TIAM1: variants seen among roughly 807,000 people sequenced by gnomAD.
The protein encoded by TIAM1 is rho guanine nucleotide exchange factor TIAM1.
A neutral mutation model predicts 163.5 loss-of-function variants in TIAM1; 65 were observed. That is an observed-to-expected ratio of 0.40 (90% CI 0.33 to 0.49). The LOEUF (loss-of-function observed/expected upper bound fraction) is 0.49. Ranked by LOEUF, TIAM1 falls within the 20% of genes least tolerant of loss-of-function variation. The pLI is 0.77. For missense variants in TIAM1, 1,789 were observed against 2,044.7 expected (o/e 0.87, Z 2.41); for synonymous variants, 833 against 810.1 (o/e 1.03, Z -0.48).
At chr21:31,387,560 T>C (rs1218143342) in intron 2 of TIAM1, among the ~76,000 whole-genome samples, 2 of 151,956 alleles carry the variant, frequency 1.3e-5, no homozygotes, top group East Asian at 3.9e-4. Flanking sequence ...GCAGGGACAC[T>C]GTCTTCTGAC....
At chr21:31,477,061 TC>T in intron 1 of TIAM1, among the ~76,000 whole-genome samples, 1 of 152,006 alleles carries the variant, frequency 6.6e-6, no homozygotes, top group South Asian at 2.1e-4. Flanking sequence ...TCATGTCCTT[TC>T]TTAATGTAGA....
At chr21:31,166,710 G>A (rs1223368803) in intron 15 of TIAM1, among the ~76,000 whole-genome samples, 1 of 152,208 alleles carries the variant, frequency 6.6e-6, no homozygotes, top group African/African-American at 2.4e-5. Context: ...CAGTTAACTT[G>A]GCAGATATCA....
intron 4 of TIAM1, among the ~76,000 whole-genome samples, chr21:31,259,169 T>C (rs900391787): frequency 2.0e-5 from 3 of 151,614 alleles, no homozygotes; most frequent in African/African-American, 7.3e-5. Flanking sequence ...GGTCTCATTC[T>C]GTCATGCAGG....
intron 2 of TIAM1, among the ~76,000 whole-genome samples, chr21:31,356,349 CATT>C (rs2076316482): frequency 6.6e-6 from 1 of 152,176 alleles, no homozygotes; most frequent in Non-Finnish European, 1.5e-5. Flanking sequence ...CGTATGCCAT[CATT>C]GTCATGCATC....
At position 31,278,345 on chromosome 21, in the gene TIAM1, A is replaced by T. The variant is rs2073396395; in HGVS notation, c.-188-1437T>A. ...AAAATCAATGGACAAGAGCTCCAGG[A>T]ACACGTGGGGTTAATGGGGTTGTTT... On this transcript the variant is annotated intron_variant, in intron 2 of 27. Coordinates refer to ENST00000541036, the MANE Select transcript of TIAM1 (RefSeq NM_001353694.2). Among the ~76,000 whole-genome samples, 3 of 152,268 alleles carry T rather than the reference A, an allele frequency of 2.0e-5. No individual in the cohort carries two copies. In the South Asian group the frequency reaches 6.2e-4, roughly 31 times the overall value.
chr21:31,445,259 A>G (rs1354115427), intron 2 of TIAM1, among the ~76,000 whole-genome samples: 1 of 152,176 alleles, frequency 6.6e-6, no homozygotes, highest in African/African-American at 2.4e-5. Context: ...TCTATTAAAT[A>G]AAGAATCTAG....
intron 2 of TIAM1, among the ~76,000 whole-genome samples, chr21:31,284,923 C>G (rs1461701697): frequency 2.0e-5 from 3 of 152,100 alleles, no homozygotes; most frequent in African/African-American, 7.2e-5. Flanking sequence ...CCGCAAGGGA[C>G]TCTCAGACTC....
rs564305952 is a variant in TIAM1, at chr21:31,343,738, G to A, written c.-369+400C>T. ...GACCTGCAATTACCCAACGAGCAGC[G>A]GGACAGCCCCGGGCAGGACGCATCC... On this transcript the variant is annotated intron_variant, in intron 1 of 27. Coordinates refer to ENST00000541036, the MANE Select transcript of TIAM1 (RefSeq NM_001353694.2). 3.3e-5 allele frequency among the ~76,000 whole-genome samples: 5 copies of A among 152,260 alleles called. No individual in the cohort carries two copies. In the East Asian group the frequency reaches 9.7e-4, roughly 29 times the overall value.
At chr21:31,352,256 T>G (rs145143645) in intron 2 of TIAM1, among the ~76,000 whole-genome samples, 1 of 152,164 alleles carries the variant, frequency 6.6e-6, no homozygotes, top group Non-Finnish European at 1.5e-5. Flanking sequence ...CATTTAAATA[T>G]TGAAGTTCTG....
At chr21:31,431,979 C>T (rs953182916) in intron 2 of TIAM1, among the ~76,000 whole-genome samples, 8 of 151,954 alleles carry the variant, frequency 5.3e-5, no homozygotes, top group Admixed American at 2.6e-4. Context: ...AATGCCACAT[C>T]GCATGCTATG....
chr21:31,387,513 T>G (rs1330052655), intron 2 of TIAM1, among the ~76,000 whole-genome samples: 1 of 151,708 alleles, frequency 6.6e-6, no homozygotes, highest in Non-Finnish European at 1.5e-5. Flanking sequence ...GAGCCTGGCC[T>G]GTCTTTTTTC....
At chr21:31,289,811 G>A (rs968856378) in intron 2 of TIAM1, among the ~76,000 whole-genome samples, 9 of 152,108 alleles carry the variant, frequency 5.9e-5, no homozygotes, top group Admixed American at 2.6e-4. Context: ...GCAGAAAACC[G>A]ATACATAAAA....
chr21:31,202,859 T>G, intron 12 of TIAM1, 49 bp downstream of exon 12: 1 of 1,515,418 alleles, frequency 6.6e-7, no homozygotes. Flanking sequence ...ACTCATAATT[T>G]GAAGATAATC....
rs2077058906 is a variant in TIAM1 at position 31,395,843 on chromosome 21, C to T, written c.-368-56421G>A. ...CTAATTAGGAAACAACATGTACATG[C>T]CTGAAACAGCAGGCCAGTAGGGAGG... On this transcript the variant is annotated intron_variant, in intron 2 of 28. Transcript: ENST00000286827. The surrounding 1 kb of genome is among the most constrained non-coding windows in gnomAD (Gnocchi z 7.5). 6.6e-6 allele frequency among the ~76,000 whole-genome samples: 1 copy of T among 152,092 alleles called. No individual in the cohort carries two copies. The highest frequency in any genetic ancestry group is 2.1e-4 in the South Asian group (1 of 4,816).
At chr21:31,308,877 G>A (rs1487010453) in intron 2 of TIAM1, among the ~76,000 whole-genome samples, 2 of 152,160 alleles carry the variant, frequency 1.3e-5, no homozygotes, top group Non-Finnish European at 2.9e-5. Flanking sequence ...TTGGTTATCT[G>A]GTTTGACAGC....
chr21:31,549,572 G>T (rs1033381034), intron 1 of TIAM1, among the ~76,000 whole-genome samples: 2 of 152,156 alleles, frequency 1.3e-5, no homozygotes, highest in Admixed American at 1.3e-4. Flanking sequence ...TCTGTTCAAT[G>T]ACATTATTTA....
chr21:31,172,067 G>A (rs1012943645), intron 15 of TIAM1, among the ~76,000 whole-genome samples: 2 of 152,158 alleles, frequency 1.3e-5, no homozygotes, highest in Admixed American at 1.3e-4. Flanking sequence ...GTTTCAGAGT[G>A]GTCTATTACG....
intron 1 of TIAM1, among the ~76,000 whole-genome samples, chr21:31,555,895 T>C (rs2048860058): frequency 6.6e-6 from 1 of 152,096 alleles, no homozygotes; most frequent in Non-Finnish European, 1.5e-5. Context: ...ACACTAGAAC[T>C]GCAGGAATCT....
intron 7 of TIAM1, 22 bp downstream of exon 7, chr21:31,225,704 C>T (rs1213195736): frequency 3.5e-5 from 56 of 1,599,350 alleles, no homozygotes; most frequent in Non-Finnish European, 4.8e-5. Flanking sequence ...TTGTCCGGAC[C>T]TAAACACGGA....
Sources: gnomAD v4.1 joint callset for allele counts (sites outside exome capture counted in the v4.1 genomes callset) on GRCh38, gnomAD v4.1.1 for gene constraint, Gnocchi (gnomAD v3.1) non-coding constraint, MANE v1.5 for transcripts, NCBI Gene and HGNC (gene_info 2026-07-23, HGNC 2026-07-21) for gene names.